Variants in LYPLA1 observed in about 807,000 individuals in gnomAD.
LYPLA1 encodes the protein acyl-protein thioesterase 1.
LYPLA1 carries 17 observed loss-of-function variants against 34.0 expected under a neutral mutation model. The ratio of observed to expected loss-of-function variants is 0.50; its 90% CI spans 0.34 to 0.75. The LOEUF is 0.75. LYPLA1 is among the 30% of genes least tolerant of loss of function. The pLI is 0.01. For synonymous variants in LYPLA1, 98 were observed against 100.8 expected, an observed-to-expected ratio of 0.97 and a Z score of 0.17; for missense variants, 203 against 288.8, an observed-to-expected ratio of 0.70 and a Z score of 2.15.
At chr8:54,099,544 G>A (rs1482910553) in intron 2 of LYPLA1, among the ~76,000 whole-genome samples, 2 of 152,140 alleles carry the variant, frequency 1.3e-5, no homozygotes, top group African/African-American at 2.4e-5. Context: ...TGGCATGGTG[G>A]CAAGCAACTG....
chr8:54,081,345 C>G (rs1486926025), intron 2 of LYPLA1, among the ~76,000 whole-genome samples: 1 of 151,930 alleles, frequency 6.6e-6, no homozygotes, highest in Admixed American at 6.6e-5. Context: ...CTTGTTTTCC[C>G]TACTATATAC....
At chr8:54,067,764 C>T (rs1222222952) in intron 2 of LYPLA1, among the ~76,000 whole-genome samples, 9 of 148,902 alleles carry the variant, frequency 6.0e-5, no homozygotes, top group East Asian at 3.9e-4. Flanking sequence ...GGCGCGATCT[C>T]GGCTCACTGC....
At chr8:54,056,618 T>TA (rs1806223131) in intron 5 of LYPLA1, among the ~76,000 whole-genome samples, 2 of 151,876 alleles carry the variant, frequency 1.3e-5, no homozygotes, top group Non-Finnish European at 2.9e-5. Context: ...AATAATCTGA[T>TA]CAAAAAATGG....
At chr8:54,101,050 A>C in intron 1 of LYPLA1, 111 bp from the exon 2 acceptor site, 1 of 881,486 alleles carries the variant, frequency 1.1e-6, no homozygotes, top group South Asian at 1.5e-5. Flanking sequence ...CGAGAGAATT[A>C]CACAACACTA....
intron 5 of LYPLA1, among the ~76,000 whole-genome samples, chr8:54,057,045 T>G (rs1806255016): frequency 6.6e-6 from 1 of 152,132 alleles, no homozygotes; most frequent in Non-Finnish European, 1.5e-5. Flanking sequence ...AAATCAAAAC[T>G]ACAATGAAAT....
intron 3 of LYPLA1, among the ~76,000 whole-genome samples, chr8:54,064,867 G>T (rs908647688): frequency 6.6e-6 from 1 of 150,586 alleles, no homozygotes; most frequent in African/African-American, 2.4e-5. Context: ...TTTAAAAATC[G>T]CAAAAAAAAA....
At chr8:54,084,124 G>GAAAAAAAAAAAAAAAA (rs201545035) in intron 2 of LYPLA1, among the ~76,000 whole-genome samples, 3 of 56,384 alleles carry the variant, frequency 5.3e-5, no homozygotes, top group African/African-American at 2.7e-4. Flanking sequence ...GGAGACCAAA[G>GAAAAAAAAAAAAAAAA]AAAAAAAAAA....
intron 2 of LYPLA1, among the ~76,000 whole-genome samples, chr8:54,090,444 T>C (rs895127552): frequency 1.1e-4 from 17 of 152,264 alleles, no homozygotes; most frequent in Non-Finnish European, 2.2e-4. Flanking sequence ...TAAATTCTTA[T>C]CTCTGTATAC....
intron 2 of LYPLA1, among the ~76,000 whole-genome samples, chr8:54,086,046 A>T (rs1808735987): frequency 6.6e-6 from 1 of 152,214 alleles, no homozygotes; most frequent in Non-Finnish European, 1.5e-5. Context: ...GTGTAGAAAG[A>T]AGTAGACATA....
At chr8:54,077,305 T>A (rs1323092296) in intron 2 of LYPLA1, among the ~76,000 whole-genome samples, 1 of 152,032 alleles carries the variant, frequency 6.6e-6, no homozygotes, top group Admixed American at 6.6e-5. Context: ...AACACATGGA[T>A]ACTAGGAGAG....
At chr8:54,086,895 C>A (rs1035409048) in intron 2 of LYPLA1, among the ~76,000 whole-genome samples, 10 of 152,058 alleles carry the variant, frequency 6.6e-5, no homozygotes, top group African/African-American at 2.4e-4. Context: ...AATACAAAAT[C>A]CTAAAAACTA....
intron 2 of LYPLA1, among the ~76,000 whole-genome samples, chr8:54,069,582 G>A (rs1255163428): frequency 2.6e-5 from 4 of 151,852 alleles, no homozygotes; most frequent in African/African-American, 7.3e-5. Flanking sequence ...GGCGTGGTGC[G>A]CACCTGTAGT....
chr8:54,080,250 T>A (rs1808212063), intron 2 of LYPLA1, among the ~76,000 whole-genome samples: 1 of 152,004 alleles, frequency 6.6e-6, no homozygotes, highest in South Asian at 2.1e-4. Flanking sequence ...TGGTGGCACG[T>A]ACCTGTAGTC....
chr8:54,099,492 AC>A (rs1809948471), intron 2 of LYPLA1, among the ~76,000 whole-genome samples: 1 of 152,130 alleles, frequency 6.6e-6, no homozygotes, highest in Non-Finnish European at 1.5e-5. Flanking sequence ...AGCGTAACCA[AC>A]ATGGCAAAAC....
intron 2 of LYPLA1, chr8:54,073,574 C>T: frequency 1.7e-6 from 1 of 592,254 alleles, no homozygotes; most frequent in Non-Finnish European, 3.1e-6. Context: ...TATTAATCGA[C>T]ACTGACCTAT....
Position 54,061,332 on chromosome 8 carries a change from C to T in LYPLA1, c.286+922G>A, listed in dbSNP as rs140955562. 3.5e-3 allele frequency among the ~76,000 whole-genome samples: 529 copies of T among 152,328 alleles called. 1 individual carries two copies. The highest frequency in any genetic ancestry group is 5.5e-3 in the Non-Finnish European group (377 of 68,032). ...CTGACCTCACATGATCTGCCCACCT[C>T]GGCTTCCCAAAGTGCTGGGATTAAA... On this transcript the variant is annotated intron_variant, in intron 5 of 8. Coordinates refer to ENST00000316963, the MANE Select transcript of LYPLA1 (RefSeq NM_006330.4).
rs542743673 is a variant in LYPLA1 at position 54,073,348 on chromosome 8, TG to T, written c.102-7536del. 3.1e-4 allele frequency: 254 copies of T among 825,806 alleles called. No homozygotes were observed. The East Asian group carries it at 5.8e-3, about 19-fold the overall frequency. 51.2% of individuals were successfully genotyped at this position (825,806 alleles called of 1,614,324 possible). Reference sequence around the variant, plus strand: ...TGAGCATGATGTGTGCAAAGAGAACTGTGGGTCTGTGCCCCATGACACCTGG... The same window carrying T: ...TGAGCATGATGTGTGCAAAGAGAACTTGGGTCTGTGCCCCATGACACCTGG... On this transcript the variant is annotated intron_variant, in intron 2 of 8. Coordinates refer to ENST00000316963, the MANE Select transcript of LYPLA1 (RefSeq NM_006330.4).
intron 1 of LYPLA1, 41 bp downstream of exon 1, chr8:54,101,714 G>A: frequency 1.6e-6 from 2 of 1,270,144 alleles, no homozygotes; most frequent in South Asian, 5.3e-5. Flanking sequence ...ACCGGTGGCC[G>A]GCCCAGTGGA....
intron 2 of LYPLA1, among the ~76,000 whole-genome samples, chr8:54,084,133 A>AAATATATATATATATATACATATATAT (rs1373090573): frequency 1.7e-5 from 2 of 120,446 alleles, no homozygotes; most frequent in African/African-American, 9.2e-5. Flanking sequence ...AGAAAAAAAA[A>AAATATATATATATATATACATATATAT]ATAAATAAAT....
Sources: allele counts gnomAD v4.1 joint callset (sites outside exome capture counted in the v4.1 genomes callset), GRCh38; gene constraint gnomAD v4.1.1; transcripts MANE v1.5; gene names NCBI Gene and HGNC (gene_info 2026-07-23, HGNC 2026-07-21).